ATXN2: variants seen among roughly 807,000 people sequenced by gnomAD.
ATXN2 encodes the protein ataxin-2.
A neutral mutation model predicts 138.6 loss-of-function variants in ATXN2; 37 were observed. That is an observed-to-expected ratio of 0.27 (90% confidence interval 0.21 to 0.35). The LOEUF (loss-of-function observed/expected upper bound fraction) is 0.35, where lower values mean the gene tolerates loss of function less well. Ranked by LOEUF, ATXN2 falls within the 10% of genes least tolerant of loss-of-function variation. ATXN2 has a pLI of 1.00. For synonymous variants in ATXN2, 549 were observed against 543.7 expected (o/e 1.01, Z -0.13); for missense variants, 1,216 against 1,480.3 (o/e 0.82, Z 2.93).
chr12:111,510,919 G>C (rs148598154), intron 11 of ATXN2: 1 of 173,652 alleles, frequency 5.8e-6, no homozygotes, highest in South Asian at 1.3e-4. Context: ...AGTAGAGACG[G>C]GGTTTCACCA....
At chr12:111,548,812 G>A (rs1482850975) in intron 5 of ATXN2, among the ~76,000 whole-genome samples, 1 of 152,058 alleles carries the variant, frequency 6.6e-6, no homozygotes, top group Non-Finnish European at 1.5e-5. Flanking sequence ...TCTGCCTCCC[G>A]GGTTCAAGCG....
At chr12:111,506,390 C>T (rs1879111045) in intron 14 of ATXN2, among the ~76,000 whole-genome samples, 1 of 151,966 alleles carries the variant, frequency 6.6e-6, no homozygotes, top group South Asian at 2.1e-4. Context: ...TCATTAAAAA[C>T]CACTGATTTA....
intron 18 of ATXN2, among the ~76,000 whole-genome samples, chr12:111,472,216 G>GT (rs1362302373): frequency 6.6e-6 from 1 of 152,078 alleles, no homozygotes; most frequent in South Asian, 2.1e-4. Context: ...GCGGTAAGCC[G>GT]TAACTGCACC....
Position 111,513,627 on chromosome 12 carries a change from GCACA to G in ATXN2, c.1376-92_1376-89del, listed in dbSNP as rs1314307771. 11 of 1,091,572 alleles carry G rather than the reference GCACA, an allele frequency of 1.0e-5. No individual in the cohort carries two copies. The Admixed American group carries it at 1.7e-4, about 17-fold the overall frequency. The allele number at this position is 1,091,572 out of a possible 1,614,324, so 67.6% of individuals were successfully genotyped here. ...TAAATACACCCATTCACACACACAT[GCACA>G]CACACTCACTCACTCTACAGTTTTT... On this transcript the variant is annotated intron_variant, in intron 10 of 24. Coordinates refer to ENST00000673436, the MANE Select transcript of ATXN2 (RefSeq NM_001372574.1).
chr12:111,483,607 T>C (rs567164050), intron 18 of ATXN2, among the ~76,000 whole-genome samples: 1 of 152,104 alleles, frequency 6.6e-6, no homozygotes, highest in South Asian at 2.1e-4. Context: ...TCTGCCCACC[T>C]CGGCTTCCCA....
chr12:111,529,828 G>T (rs1403287120), intron 5 of ATXN2, among the ~76,000 whole-genome samples: 1 of 152,128 alleles, frequency 6.6e-6, no homozygotes, highest in Admixed American at 6.5e-5. Flanking sequence ...TAAAATGGTA[G>T]TGTTAAACAT....
At chr12:111,479,295 G>T (rs1270552399) in intron 18 of ATXN2, among the ~76,000 whole-genome samples, 1 of 146,418 alleles carries the variant, frequency 6.8e-6, no homozygotes, top group South Asian at 2.2e-4. Flanking sequence ...ACTCACACCT[G>T]TAATCCCAGC....
rs1245974951 is a variant in ATXN2, at chr12:111,452,776, G to A, written c.*36C>T. ...AGTTGGTAGAAGCAGTAGAAGGGAG[G>A]AGGGAATTTGGCCTTTCGGTTCCTC... is the stretch of plus-strand genomic sequence containing the variant. On this transcript the variant is annotated 3_prime_UTR_variant, in exon 25 of 25. Transcript: ENST00000673436. 1 of 1,591,594 alleles carries A rather than the reference G, an allele frequency of 6.3e-7. No individual in the cohort carries two copies. Among genetic ancestry groups the A allele is most frequent in the Non-Finnish European group, 8.6e-7 (1 of 1,159,466 alleles).
chr12:111,479,390 TAAAAAA>T (rs33967202), intron 18 of ATXN2, among the ~76,000 whole-genome samples: 3 of 49,848 alleles, frequency 6.0e-5, no homozygotes, highest in African/African-American at 6.4e-5. Flanking sequence ...CCGTCTCTGC[TAAAAAA>T]AAAAAAAAAA....
At chr12:111,505,904 T>C (rs1879075361) in intron 14 of ATXN2, among the ~76,000 whole-genome samples, 2 of 152,212 alleles carry the variant, frequency 1.3e-5, no homozygotes, top group Admixed American at 1.3e-4. Flanking sequence ...TTTGTGGCAG[T>C]GTTATTCAGA....
At chr12:111,482,125 G>C (rs1437634277) in intron 18 of ATXN2, among the ~76,000 whole-genome samples, 2 of 151,838 alleles carry the variant, frequency 1.3e-5, no homozygotes, top group Admixed American at 1.3e-4. Flanking sequence ...GCCGAGGGAG[G>C]TGGATCACTT....
chr12:111,592,782 C>CAAAAAAAGAAA (rs1884735668), intron 1 of ATXN2, among the ~76,000 whole-genome samples: 4 of 26,018 alleles, frequency 1.5e-4, no homozygotes, highest in Non-Finnish European at 3.3e-4. Flanking sequence ...GACTCCGTCT[C>CAAAAAAAGAAA]AAAAAAAAAA....
intron 21 of ATXN2, among the ~76,000 whole-genome samples, chr12:111,462,101 T>C (rs1227606225): frequency 6.6e-6 from 1 of 152,168 alleles, no homozygotes; most frequent in Non-Finnish European, 1.5e-5. Context: ...AAAAATAAAG[T>C]TAATTTTATT....
At chr12:111,480,042 AAG>A (rs1398123832) in intron 18 of ATXN2, among the ~76,000 whole-genome samples, 4 of 151,874 alleles carry the variant, frequency 2.6e-5, no homozygotes, top group Non-Finnish European at 5.9e-5. Flanking sequence ...AAAAAAGAAA[AAG>A]AAATCTAAAG....
chr12:111,554,611 G>A (rs552827699), intron 2 of ATXN2, among the ~76,000 whole-genome samples: 1 of 152,214 alleles, frequency 6.6e-6, no homozygotes, highest in Non-Finnish European at 1.5e-5. Flanking sequence ...GACTAAACAT[G>A]ACATAAAAAA....
chr12:111,541,477 G>A lies in ATXN2; in HGVS notation c.571+10803C>T, dbSNP rs1044072773. Among the ~76,000 whole-genome samples, 4 of 141,408 alleles carry A rather than the reference G, an allele frequency of 2.8e-5. 1 individual carries two copies. Among genetic ancestry groups the A allele is most frequent in the East Asian group, 2.1e-4 (1 of 4,756 alleles). 92.8% of individuals were successfully genotyped at this position (141,408 alleles called of 152,430 possible). On this transcript the variant is annotated intron_variant, in intron 5 of 24. Coordinates refer to ENST00000673436, the MANE Select transcript of ATXN2 (RefSeq NM_001372574.1). ...AGCGATTCTCCTGCCTCAGCCTCCC[G>A]AGTAGCTGGGACTACAGGTATGCGC... is the stretch of plus-strand genomic sequence containing the variant.
At chr12:111,560,097 C>T (rs374875483) in intron 1 of ATXN2, among the ~76,000 whole-genome samples, 8 of 152,100 alleles carry the variant, frequency 5.3e-5, no homozygotes, top group African/African-American at 1.2e-4. Context: ...TTCAAAGAAG[C>T]GCAAATTTGA....
chr12:111,524,692 C>A (rs191261704), intron 6 of ATXN2, among the ~76,000 whole-genome samples: 9 of 152,274 alleles, frequency 5.9e-5, no homozygotes, highest in Admixed American at 5.2e-4. Flanking sequence ...GGAGAATAAT[C>A]CAAATTTAAG....
chr12:111,576,278 T>C (rs1432809565), intron 1 of ATXN2, among the ~76,000 whole-genome samples: 10 of 151,886 alleles, frequency 6.6e-5, no homozygotes, highest in Non-Finnish European at 1.5e-5. Flanking sequence ...ACCCCATTTC[T>C]ACTAAAAATA....
Sources: allele counts gnomAD v4.1 joint callset (sites outside exome capture counted in the v4.1 genomes callset), GRCh38; gene constraint gnomAD v4.1.1; transcripts MANE v1.5; gene names NCBI Gene and HGNC (gene_info 2026-07-23, HGNC 2026-07-21).